SLC13A4: variants seen among roughly 807,000 people sequenced by gnomAD.
SLC13A4 encodes Na(+)/sulfate cotransporter SUT-1.
Under a neutral mutation model 72.7 loss-of-function variants are expected in SLC13A4, and 28 were observed. The observed-to-expected ratio is 0.39, with a 90% CI of 0.29 to 0.53. SLC13A4 has a LOEUF of 0.53. Ranked by LOEUF, SLC13A4 falls within the 20% of genes least tolerant of loss-of-function variation. The pLI, the probability that SLC13A4 is intolerant of heterozygous loss-of-function variation, is 0.78. For missense variants in SLC13A4, 653 were observed against 788.0 expected (o/e 0.83, Z 2.05); for synonymous variants, 312 against 325.5 (o/e 0.96, Z 0.45).
intron 2 of SLC13A4, among the ~76,000 whole-genome samples, chr7:135,713,444 G>T (rs760780680): frequency 6.6e-6 from 1 of 152,156 alleles, no homozygotes; most frequent in Non-Finnish European, 1.5e-5. Flanking sequence ...ACAAGCTAAT[G>T]AACCTCTGTA....
chr7:135,711,111 C>T (rs977835472), intron 2 of SLC13A4, among the ~76,000 whole-genome samples: 1 of 152,156 alleles, frequency 6.6e-6, no homozygotes, highest in African/African-American at 2.4e-5. Flanking sequence ...GGTTACTTTC[C>T]CAGGCTTTGT....
intron 2 of SLC13A4, 68 bp downstream of exon 2, chr7:135,721,327 C>T: frequency 1.3e-6 from 2 of 1,581,084 alleles, no homozygotes; most frequent in Non-Finnish European, 1.7e-6. Context: ...AATCTCCCTT[C>T]ATTGGAGGCT....
At chr7:135,691,416 A>G in intron 12 of SLC13A4, 91 bp from the exon 13 acceptor site, 1 of 858,112 alleles carries the variant, frequency 1.2e-6, no homozygotes, top group Non-Finnish European at 1.7e-6. Context: ...ATGATTTGGG[A>G]TACTGCTATT....
intron 2 of SLC13A4, among the ~76,000 whole-genome samples, chr7:135,714,938 C>T (rs1480109784): frequency 6.6e-6 from 1 of 152,130 alleles, no homozygotes; most frequent in East Asian, 1.9e-4. Context: ...AGACCGCTGG[C>T]TGGGCCCAGG....
intron 1 of SLC13A4, among the ~76,000 whole-genome samples, chr7:135,726,038 C>G (rs187478053): frequency 1.9e-4 from 29 of 152,228 alleles, no homozygotes; most frequent in Admixed American, 1.7e-3. Context: ...CTAGTCTGTG[C>G]CTTCTGTGGG....
In SLC13A4 at chr7:135,682,739, G is replaced by A. The variant is rs374310222; in HGVS notation, c.1747-1039C>T. 1.3e-4 allele frequency among the ~76,000 whole-genome samples: 20 copies of A among 152,334 alleles called. No individual in the cohort carries two copies. In the East Asian group the frequency reaches 3.5e-3, roughly 26 times the overall value. On this transcript the variant is annotated intron_variant, in intron 15 of 15. Transcript: ENST00000682651. ...TTGAAGTCAAGGTAGTGCCCAAGCTGGGAATAGTGCCCAAGACTGGCTCAC... is the reference window on the plus strand; with the variant it reads ...TTGAAGTCAAGGTAGTGCCCAAGCTAGGAATAGTGCCCAAGACTGGCTCAC...
chr7:135,687,499 A>G (rs922465459), intron 13 of SLC13A4, among the ~76,000 whole-genome samples: 2 of 152,220 alleles, frequency 1.3e-5, no homozygotes, highest in Admixed American at 6.5e-5. Context: ...TAGACAACTG[A>G]GGACCAAAGG....
At chr7:135,725,598 T>TG in intron 1 of SLC13A4, among the ~76,000 whole-genome samples, 1 of 152,222 alleles carries the variant, frequency 6.6e-6, no homozygotes, top group Middle Eastern at 3.4e-3. Context: ...CCTGCCCAGG[T>TG]ACTCCATCAC....
intron 2 of SLC13A4, among the ~76,000 whole-genome samples, chr7:135,712,396 A>G (rs183356331): frequency 1.3e-5 from 2 of 150,708 alleles, no homozygotes; most frequent in African/African-American, 4.9e-5. Context: ...CTCTGGAGTC[A>G]GCCGGGACTC....
At chr7:135,698,990 G>A (rs965246232) in intron 8 of SLC13A4, among the ~76,000 whole-genome samples, 2 of 151,912 alleles carry the variant, frequency 1.3e-5, no homozygotes, top group Admixed American at 6.6e-5. Flanking sequence ...GCTCAGGCTC[G>A]GGTTCAGTGG....
chr7:135,714,800 C>T (rs1055367864), intron 2 of SLC13A4, among the ~76,000 whole-genome samples: 1 of 152,156 alleles, frequency 6.6e-6, no homozygotes, highest in Admixed American at 6.5e-5. Context: ...TGATGACAGC[C>T]GACTCCGGCG....
intron 3 of SLC13A4, chr7:135,707,453 C>T (rs4548120): frequency 0.25 from 38,555 of 152,036 alleles, 5,490 homozygotes; most frequent in Middle Eastern, 0.43. Flanking sequence ...TATTTATACT[C>T]GTGTTGACTC....
chr7:135,714,510 C>T (rs1796370744), intron 2 of SLC13A4, among the ~76,000 whole-genome samples: 1 of 152,196 alleles, frequency 6.6e-6, no homozygotes. Flanking sequence ...CCACTGAAGG[C>T]CCAGTGTGGA....
intron 2 of SLC13A4, among the ~76,000 whole-genome samples, chr7:135,710,534 G>T (rs1796276829): frequency 6.9e-6 from 1 of 144,968 alleles, no homozygotes; most frequent in Non-Finnish European, 1.5e-5. Flanking sequence ...AGAAGAAGCT[G>T]TTAACAAAGT....
intron 2 of SLC13A4, among the ~76,000 whole-genome samples, chr7:135,709,912 G>A (rs1796259349): frequency 6.6e-6 from 1 of 152,138 alleles, no homozygotes; most frequent in Admixed American, 6.5e-5. Context: ...TTTTGTATGT[G>A]TACTTCTCTT....
In SLC13A4 at chr7:135,694,183, A is replaced by T; in HGVS notation, c.1075T>A (p.Ser359Thr). 1 of 1,613,556 alleles carries T rather than the reference A, an allele frequency of 6.2e-7. No homozygotes were observed. Among genetic ancestry groups the T allele is most frequent in the Non-Finnish European group, 8.5e-7 (1 of 1,179,480 alleles). The change falls in exon 10 of 16, where the codon TCA becomes ACA. Residue 359 changes from serine (S) to threonine (T), a missense_variant. By Grantham distance (58) the Ser-to-Thr change is moderately conservative. Coordinates refer to ENST00000682651, the MANE Select transcript of SLC13A4 (RefSeq NM_001318192.2). Reference protein sequence around the residue: ...KKKKTKREQLSEKRIQEEYEK... With the variant: ...KKKKTKREQLTEKRIQEEYEK... ...TATTCTTCTTGGATCCTCTTCTCTG[A>T]CAACTGTTCCCTTTTGGTCTTCTTC...
intron 3 of SLC13A4, 54 bp from the exon 4 acceptor site, chr7:135,706,354 G>T (rs1796162484): frequency 2.0e-6 from 3 of 1,529,042 alleles, no homozygotes; most frequent in Admixed American, 1.7e-5. Context: ...CATCCCTGCG[G>T]CTCCACAGTG....
chr7:135,692,557 A>G, intron 10 of SLC13A4, 133 bp from the exon 11 acceptor site: 1 of 623,516 alleles, frequency 1.6e-6, no homozygotes, highest in Non-Finnish European at 2.8e-6. Context: ...CCTAACCACT[A>G]TGAATGGCTG....
chr7:135,714,539 G>A (rs1337946096), intron 2 of SLC13A4, among the ~76,000 whole-genome samples: 2 of 152,160 alleles, frequency 1.3e-5, no homozygotes, highest in Admixed American at 6.5e-5. Flanking sequence ...CTGGGGCTGC[G>A]TCTGGGTGGC....
Sources: allele counts gnomAD v4.1 joint callset (sites outside exome capture counted in the v4.1 genomes callset), GRCh38; gene constraint gnomAD v4.1.1; transcripts MANE v1.5; gene names NCBI Gene and HGNC (gene_info 2026-07-23, HGNC 2026-07-21).